The following CLUL1 variants were observed in gnomAD, a reference collection of about 807,000 sequenced individuals.
CLUL1 encodes the protein clusterin-like protein 1.
Under a neutral mutation model 49.4 loss-of-function variants are expected in CLUL1, and 43 were observed. That is an observed-to-expected ratio of 0.87 (90% CI 0.68 to 1.12). CLUL1 has a LOEUF of 1.12. Among genes scored for constraint, CLUL1 ranks in the 50% most tolerant of loss-of-function variants. The pLI is 0.00. For synonymous variants in CLUL1, 192 were observed against 184.9 expected (o/e 1.04, Z -0.31); for missense variants, 486 against 544.4 (o/e 0.89, Z 1.07).
intron 7 of CLUL1, among the ~76,000 whole-genome samples, chr18:636,939 T>C (rs1413095466): frequency 6.6e-6 from 1 of 151,990 alleles, no homozygotes; most frequent in Non-Finnish European, 1.5e-5. Context: ...TTTCTCCTTT[T>C]TAAATATCAC....
At chr18:602,713 G>T (rs1298025234) in intron 1 of CLUL1, among the ~76,000 whole-genome samples, 2 of 152,154 alleles carry the variant, frequency 1.3e-5, no homozygotes, top group East Asian at 3.9e-4. Flanking sequence ...GCGCATTTTC[G>T]CACCATCAAG....
At chr18:647,877 G>A (rs1466005960) in intron 9 of CLUL1, among the ~76,000 whole-genome samples, 2 of 152,056 alleles carry the variant, frequency 1.3e-5, no homozygotes, top group Non-Finnish European at 2.9e-5. Context: ...CTTTATGAAC[G>A]TTCATCTCCA....
chr18:614,111 C>T (rs945435258), intron 2 of CLUL1, among the ~76,000 whole-genome samples: 1 of 152,184 alleles, frequency 6.6e-6, no homozygotes, highest in Non-Finnish European at 1.5e-5. Context: ...AATTTGACCT[C>T]TTAAGTCAGT....
At chr18:634,768 T>C (rs2074093778) in intron 7 of CLUL1, among the ~76,000 whole-genome samples, 1 of 152,018 alleles carries the variant, frequency 6.6e-6, no homozygotes, top group Non-Finnish European at 1.5e-5. Context: ...CAGGAATCCT[T>C]TTCCCTCCCT....
chr18:634,091 C>G (rs1010116478), intron 7 of CLUL1, among the ~76,000 whole-genome samples: 1 of 152,068 alleles, frequency 6.6e-6, no homozygotes, highest in Non-Finnish European at 1.5e-5. Flanking sequence ...TTTGCAGGCT[C>G]ATTTCCATCT....
chr18:602,206 C>A (rs578124507), intron 1 of CLUL1, among the ~76,000 whole-genome samples: 63 of 152,336 alleles, frequency 4.1e-4, no homozygotes, highest in African/African-American at 1.1e-3. Context: ...TAGGCTAAAC[C>A]TTGTGCTACA....
At chr18:601,959 G>T (rs1022692017) in intron 1 of CLUL1, among the ~76,000 whole-genome samples, 1 of 152,040 alleles carries the variant, frequency 6.6e-6, no homozygotes, top group African/African-American at 2.4e-5. Flanking sequence ...GGTGGCTCAT[G>T]CCTGGAATCC....
chr18:637,328 G>T (rs1440014104), intron 7 of CLUL1, among the ~76,000 whole-genome samples: 2 of 151,934 alleles, frequency 1.3e-5, no homozygotes, highest in Non-Finnish European at 2.9e-5. Context: ...CAAGTTAGTT[G>T]GGCTAGTGAG....
At chr18:613,525 G>C (rs948164454) in intron 2 of CLUL1, among the ~76,000 whole-genome samples, 3 of 150,242 alleles carry the variant, frequency 2.0e-5, no homozygotes, top group Non-Finnish European at 4.4e-5. Context: ...CGCTATCTCA[G>C]CTCACAGAAA....
chr18:601,645 C>CAAA lies in CLUL1; in HGVS notation c.-136+4528_-136+4530dup, dbSNP rs34502741. Among the ~76,000 whole-genome samples, 892 of 138,678 alleles carry CAAA rather than the reference C, an allele frequency of 6.4e-3. 9 individuals carry two copies. The highest frequency in any genetic ancestry group is 0.022 in the African/African-American group (817 of 36,966). The allele number at this position is 138,678 out of a possible 152,430, so 91.0% of individuals were successfully genotyped here. On this transcript the variant is annotated intron_variant, in intron 1 of 9. Coordinates refer to ENST00000692774, the MANE Select transcript of CLUL1 (RefSeq NM_001393344.1). ...CTGGCAACAGAGTGAGACTCCATCT[C>CAAA]AAAAAAAAAAAAAATTAGCTGGATG...
chr18:639,079 A>G (rs2074248252), intron 7 of CLUL1, among the ~76,000 whole-genome samples: 1 of 152,170 alleles, frequency 6.6e-6, no homozygotes. Flanking sequence ...ATACATAGCA[A>G]TGTTTTACAT....
chr18:645,769 G>T (rs1469816841), intron 9 of CLUL1, among the ~76,000 whole-genome samples: 1 of 113,568 alleles, frequency 8.8e-6, no homozygotes, highest in African/African-American at 3.6e-5. Context: ...ACTCCAGCCT[G>T]GGCGACAGAG....
At chr18:646,542 T>C (rs1009938473) in intron 9 of CLUL1, among the ~76,000 whole-genome samples, 7 of 131,536 alleles carry the variant, frequency 5.3e-5, no homozygotes, top group Non-Finnish European at 1.2e-4. Context: ...ACACACACTA[T>C]AAAGCAAGGC....
intron 9 of CLUL1, among the ~76,000 whole-genome samples, chr18:649,041 A>G (rs1192608529): frequency 6.6e-6 from 1 of 152,192 alleles, no homozygotes; most frequent in African/African-American, 2.4e-5. Flanking sequence ...ATTATTCATG[A>G]GAATAAACAT....
rs1598418734 is a variant in CLUL1 at position 618,169 on chromosome 18, A to G, written c.106+63A>G. 3.2e-6 allele frequency: 4 copies of G among 1,238,692 alleles called. 1 individual carries two copies. The Admixed American group carries it at 5.3e-5, about 16-fold the overall frequency. The allele number at this position is 1,238,692 out of a possible 1,614,324, so 76.7% of individuals were successfully genotyped here. ...CATGTTGGTTGTCCTGCTGGCGTTTATAGTGAGTCGCAGTTGAGAGATAAC... is the reference window on the plus strand; with the variant it reads ...CATGTTGGTTGTCCTGCTGGCGTTTGTAGTGAGTCGCAGTTGAGAGATAAC... On this transcript the variant is annotated intron_variant, in intron 3 of 9. Coordinates refer to ENST00000692774, the MANE Select transcript of CLUL1 (RefSeq NM_001393344.1). The surrounding 1 kb of genome is among the most constrained non-coding windows in gnomAD (Gnocchi z 4.2).
intron 4 of CLUL1, among the ~76,000 whole-genome samples, 191 bp from the exon 5 acceptor site, chr18:624,674 A>G (rs1016168908): frequency 2.0e-4 from 30 of 152,242 alleles, no homozygotes; most frequent in African/African-American, 7.0e-4. Flanking sequence ...ACAGTCTTCA[A>G]TAGGAATCAA....
chr18:628,077 T>G (rs2073864505), intron 6 of CLUL1, among the ~76,000 whole-genome samples: 1 of 152,252 alleles, frequency 6.6e-6, no homozygotes, highest in Non-Finnish European at 1.5e-5. Flanking sequence ...TCCACCCGCC[T>G]TGGCCTCCCA....
At position 650,083 on chromosome 18, in the gene CLUL1, G is replaced by A. The variant is rs973654199; in HGVS notation, c.*182G>A. On this transcript the variant is annotated 3_prime_UTR_variant, in exon 10 of 10. Coordinates refer to ENST00000692774, the MANE Select transcript of CLUL1 (RefSeq NM_001393344.1). ...GCTTAGCTATTAATACTCAAATTGA[G>A]TTAAAATGAAAATTCCTCCTTAAAA... The A allele has an allele frequency of 1.6e-5, 7 of 450,716 alleles. No individual in the cohort carries two copies. The highest frequency in any genetic ancestry group is 7.9e-5 in the Admixed American group (2 of 25,284). The allele number at this position is 450,716 out of a possible 1,614,324, so 27.9% of individuals were successfully genotyped here.
chr18:611,542 T>C (rs964439483), intron 2 of CLUL1, among the ~76,000 whole-genome samples: 4 of 152,076 alleles, frequency 2.6e-5, no homozygotes, highest in African/African-American at 9.7e-5. Flanking sequence ...GCCACTGCAC[T>C]CTAGCCTGGG....
Sources: allele counts gnomAD v4.1 joint callset (sites outside exome capture counted in the v4.1 genomes callset), GRCh38; gene constraint gnomAD v4.1.1; non-coding constraint Gnocchi (gnomAD v3.1); transcripts MANE v1.5; gene names NCBI Gene and HGNC (gene_info 2026-07-23, HGNC 2026-07-21).